SMYD3: variants seen among roughly 807,000 people sequenced by gnomAD.
The protein encoded by SMYD3 is histone-lysine N-methyltransferase SMYD3.
SMYD3 carries 36 observed loss-of-function variants against 57.7 expected under a neutral mutation model. The ratio of observed to expected loss-of-function variants is 0.62; its 90% CI spans 0.48 to 0.82. SMYD3 has a LOEUF of 0.82. SMYD3 is among the 40% of genes least tolerant of loss of function. The probability of loss-of-function intolerance (pLI) is 0.00; values close to 1 mark genes in which losing one functional copy is unlikely to be tolerated. For synonymous variants in SMYD3, 211 were observed against 195.0 expected (o/e 1.08, Z -0.68); for missense variants, 515 against 538.8 (o/e 0.96, Z 0.44).
At chr1:246,067,458 G>A (rs1030136870) in intron 5 of SMYD3, among the ~76,000 whole-genome samples, 5 of 152,158 alleles carry the variant, frequency 3.3e-5, no homozygotes, top group Non-Finnish European at 7.3e-5. Context: ...TGGGAGTTGC[G>A]GGACAAGGTA....
At chr1:246,208,655 G>A (rs2063037855) in intron 5 of SMYD3, among the ~76,000 whole-genome samples, 1 of 152,156 alleles carries the variant, frequency 6.6e-6, no homozygotes, top group Non-Finnish European at 1.5e-5. Flanking sequence ...GTTCTCTGCT[G>A]CTCATAGGCA....
intron 8 of SMYD3, among the ~76,000 whole-genome samples, chr1:245,912,493 T>G (rs1051794919): frequency 5.3e-5 from 8 of 151,954 alleles, no homozygotes; most frequent in Admixed American, 3.9e-4. Flanking sequence ...CTTCAAGAAA[T>G]AGAACTAATG....
chr1:246,029,941 A>G (rs1303056822), intron 5 of SMYD3, among the ~76,000 whole-genome samples: 1 of 151,912 alleles, frequency 6.6e-6, no homozygotes, highest in East Asian at 1.9e-4. Context: ...CATTTCCACA[A>G]AAAAACTAAA....
At chr1:246,240,559 G>A (rs1464232064) in intron 5 of SMYD3, among the ~76,000 whole-genome samples, 1 of 151,198 alleles carries the variant, frequency 6.6e-6, no homozygotes, top group African/African-American at 2.5e-5. Flanking sequence ...GCTTAGGATT[G>A]TCTTGGCAAT....
intron 5 of SMYD3, among the ~76,000 whole-genome samples, chr1:246,232,250 G>A (rs1295225856): frequency 6.6e-6 from 1 of 152,132 alleles, no homozygotes; most frequent in African/African-American, 2.4e-5. Context: ...AAACGAAGGC[G>A]ACACCAGGAG....
At chr1:245,801,490 A>G (rs1317702361) in intron 10 of SMYD3, among the ~76,000 whole-genome samples, 1 of 152,230 alleles carries the variant, frequency 6.6e-6, no homozygotes, top group Non-Finnish European at 1.5e-5. Context: ...GATATTTAAG[A>G]CATGTTTATC....
At chr1:246,232,806 C>T (rs1292842287) in intron 5 of SMYD3, among the ~76,000 whole-genome samples, 4 of 136,254 alleles carry the variant, frequency 2.9e-5, no homozygotes, top group South Asian at 3.0e-4. Flanking sequence ...AGAGAAGAAG[C>T]GCTCCTTCAA....
chr1:246,383,894 T>C (rs1159404799), intron 1 of SMYD3, among the ~76,000 whole-genome samples: 1 of 152,192 alleles, frequency 6.6e-6, no homozygotes, highest in Non-Finnish European at 1.5e-5. Context: ...CTGTTATTGA[T>C]ATCTTCAATA....
chr1:246,010,167 G>A (rs1384250065), intron 5 of SMYD3, among the ~76,000 whole-genome samples: 2 of 151,430 alleles, frequency 1.3e-5, no homozygotes, highest in African/African-American at 2.4e-5. Flanking sequence ...TAGAAATTGT[G>A]TTTGTGAATG....
intron 8 of SMYD3, among the ~76,000 whole-genome samples, chr1:245,901,930 A>C (rs2054210268): frequency 6.6e-6 from 1 of 152,180 alleles, no homozygotes; most frequent in Admixed American, 6.5e-5. Flanking sequence ...TGAGCCTAGT[A>C]TAGGGAGTTG....
chr1:246,093,697 T>C (rs11582435), intron 5 of SMYD3, among the ~76,000 whole-genome samples: 40,739 of 151,638 alleles, frequency 0.27, 7,225 homozygotes, highest in Non-Finnish European at 0.4. Flanking sequence ...AACTAATAAA[T>C]TGAAAATGAT....
chr1:246,473,145 C>T (rs952477709), intron 1 of SMYD3, among the ~76,000 whole-genome samples: 4 of 152,236 alleles, frequency 2.6e-5, no homozygotes, highest in African/African-American at 9.6e-5. Context: ...GCATGAGTCA[C>T]TGCACCCGGC....
At chr1:246,067,427 G>A (rs2787972) in intron 5 of SMYD3, among the ~76,000 whole-genome samples, 75,024 of 152,074 alleles carry the variant, frequency 0.49, 22,137 homozygotes, top group Non-Finnish European at 0.67. Flanking sequence ...AAAATAAAAA[G>A]TCTAGTCAGG....
intron 5 of SMYD3, among the ~76,000 whole-genome samples, chr1:245,974,016 A>T (rs2058363890): frequency 6.6e-6 from 1 of 152,130 alleles, no homozygotes; most frequent in African/African-American, 2.4e-5. Context: ...TATAGGTCTA[A>T]ACAGTTTCAA....
At chr1:246,297,699 T>C (rs1222383145) in intron 5 of SMYD3, among the ~76,000 whole-genome samples, 1 of 152,170 alleles carries the variant, frequency 6.6e-6, no homozygotes, top group Non-Finnish European at 1.5e-5. Context: ...ATTCAATTAT[T>C]CTGATGTATA....
Position 245,764,988 on chromosome 1 carries a change from T to A in SMYD3, c.1077-839A>T, listed in dbSNP as rs111276901. 6.8e-3 allele frequency among the ~76,000 whole-genome samples: 1,026 copies of A among 150,482 alleles called. 13 individuals carry two copies. The highest frequency in any genetic ancestry group is 0.023 in the African/African-American group (922 of 40,838). ...TGGCCCCAATACCCCCTACCCCTACTCTTAGAGAATACTGAGCCCCCGCTG... is the reference window on the plus strand; with the variant it reads ...TGGCCCCAATACCCCCTACCCCTACACTTAGAGAATACTGAGCCCCCGCTG... On this transcript the variant is annotated intron_variant, in intron 10 of 11. Coordinates refer to ENST00000490107, the MANE Select transcript of SMYD3 (RefSeq NM_001167740.2).
intron 5 of SMYD3, among the ~76,000 whole-genome samples, chr1:246,055,253 G>C (rs970224457): frequency 6.6e-6 from 1 of 152,124 alleles, no homozygotes; most frequent in African/African-American, 2.4e-5. Context: ...TGGTAGGAAT[G>C]CAAAACGGTG....
intron 5 of SMYD3, among the ~76,000 whole-genome samples, chr1:246,032,949 A>G (rs1305000892): frequency 6.6e-6 from 1 of 152,178 alleles, no homozygotes; most frequent in Admixed American, 6.5e-5. Flanking sequence ...AATGTATATA[A>G]TAAGAATGAT....
intron 5 of SMYD3, among the ~76,000 whole-genome samples, chr1:245,931,058 G>A (rs573776398): frequency 1.6e-3 from 248 of 152,350 alleles, no homozygotes; most frequent in Non-Finnish European, 3.1e-3. Context: ...GAGCAAGAAA[G>A]TAGGGGGCAA....
Sources: allele counts gnomAD v4.1 joint callset (sites outside exome capture counted in the v4.1 genomes callset), GRCh38; gene constraint gnomAD v4.1.1; transcripts MANE v1.5; gene names NCBI Gene and HGNC (gene_info 2026-07-23, HGNC 2026-07-21).